PIP5K1B: variants seen among roughly 807,000 people sequenced by gnomAD.
The protein encoded by PIP5K1B is phosphatidylinositol-4-phosphate 5-kinase type 1 beta.
A neutral mutation model predicts 67.0 loss-of-function variants in PIP5K1B; 42 were observed. The ratio of observed to expected loss-of-function variants is 0.63; its 90% CI spans 0.49 to 0.81. The LOEUF (loss-of-function observed/expected upper bound fraction) is 0.81, where lower values mean the gene tolerates loss of function less well. PIP5K1B is among the 30% of genes least tolerant of loss of function. PIP5K1B has a pLI of 0.00. For synonymous variants in PIP5K1B, 214 were observed against 231.4 expected (o/e 0.92, Z 0.68); for missense variants, 459 against 646.3 (o/e 0.71, Z 3.14).
At chr9:68,724,670 G>GT (rs374640185) in intron 1 of PIP5K1B, among the ~76,000 whole-genome samples, 104 of 150,662 alleles carry the variant, frequency 6.9e-4, no homozygotes, top group South Asian at 1.5e-3. Context: ...TTATTACTAG[G>GT]TTTTTTTTTG....
At chr9:68,959,539 A>T (rs1208197048) in intron 14 of PIP5K1B, among the ~76,000 whole-genome samples, 1 of 151,930 alleles carries the variant, frequency 6.6e-6, no homozygotes, top group Admixed American at 6.6e-5. Flanking sequence ...TTGAGTTGCT[A>T]TTTCCAGTTT....
intron 14 of PIP5K1B, among the ~76,000 whole-genome samples, chr9:68,953,735 G>A (rs958655670): frequency 6.6e-6 from 1 of 150,744 alleles, no homozygotes; most frequent in Admixed American, 6.7e-5. Context: ...GAGCCTGGGT[G>A]GTTGAGGCTG....
At chr9:68,812,981 C>T (rs540216879) in intron 2 of PIP5K1B, among the ~76,000 whole-genome samples, 58 of 152,270 alleles carry the variant, frequency 3.8e-4, no homozygotes, top group African/African-American at 1.3e-3. Flanking sequence ...ATGCTTCTAG[C>T]GCAGGGAGCA....
intron 1 of PIP5K1B, among the ~76,000 whole-genome samples, chr9:68,741,908 T>G (rs1222135022): frequency 6.6e-6 from 1 of 152,166 alleles, no homozygotes; most frequent in African/African-American, 2.4e-5. Flanking sequence ...AGAACCAGGG[T>G]AGGTTATCAT....
chr9:68,719,669 GGTTAA>G (rs1827793567), intron 1 of PIP5K1B, among the ~76,000 whole-genome samples: 1 of 152,082 alleles, frequency 6.6e-6, no homozygotes, highest in Non-Finnish European at 1.5e-5. Flanking sequence ...TCCTGCTAAG[GGTTAA>G]GAGAGAAACA....
chr9:68,987,882 A>T (rs1416954400), intron 14 of PIP5K1B, among the ~76,000 whole-genome samples: 1 of 152,336 alleles, frequency 6.6e-6, no homozygotes, highest in Admixed American at 6.5e-5. Flanking sequence ...ATTATCTCCC[A>T]CCAGGTCCTT....
At chr9:68,877,873 G>A (rs767173417) in intron 6 of PIP5K1B, among the ~76,000 whole-genome samples, 5 of 152,100 alleles carry the variant, frequency 3.3e-5, no homozygotes, top group Non-Finnish European at 5.9e-5. Context: ...AATGGTGAGC[G>A]CAAGGTTGAA....
chr9:68,867,185 ATT>A (rs35757034), intron 5 of PIP5K1B, among the ~76,000 whole-genome samples: 11 of 151,252 alleles, frequency 7.3e-5, no homozygotes, highest in Admixed American at 1.3e-4. Flanking sequence ...CATTTGATGC[ATT>A]TTTTTTTTCT....
chr9:68,805,669 T>TCATC (rs1832835548), intron 2 of PIP5K1B, among the ~76,000 whole-genome samples: 1 of 152,122 alleles, frequency 6.6e-6, no homozygotes, highest in Non-Finnish European at 1.5e-5. Context: ...CACCGAGCTG[T>TCATC]CATCACCTGT....
chr9:68,946,432 A>G (rs1827806893), intron 14 of PIP5K1B, among the ~76,000 whole-genome samples: 1 of 151,514 alleles, frequency 6.6e-6, no homozygotes, highest in Admixed American at 6.6e-5. Context: ...AGTCTCTGTC[A>G]CCCAGGCTGG....
At chr9:68,931,131 T>C (rs1158693813) in intron 12 of PIP5K1B, among the ~76,000 whole-genome samples, 1 of 152,194 alleles carries the variant, frequency 6.6e-6, no homozygotes, top group Non-Finnish European at 1.5e-5. Flanking sequence ...AAGTGAGTCA[T>C]GCTGCCGGTG....
At chr9:68,752,383 G>A (rs1829677460) in intron 2 of PIP5K1B, among the ~76,000 whole-genome samples, 2 of 152,334 alleles carry the variant, frequency 1.3e-5, no homozygotes, top group Admixed American at 6.5e-5. Flanking sequence ...CATAGTTAGT[G>A]CAAGGGTAGG....
chr9:68,889,307 A>G (rs887406537), intron 7 of PIP5K1B, among the ~76,000 whole-genome samples, 174 bp downstream of exon 7: 2 of 152,208 alleles, frequency 1.3e-5, no homozygotes, highest in Admixed American at 6.5e-5. Context: ...AAAGTAAACT[A>G]GAACTGAATG....
intron 14 of PIP5K1B, among the ~76,000 whole-genome samples, chr9:68,970,541 A>T (rs967144964): frequency 6.6e-6 from 1 of 152,230 alleles, no homozygotes; most frequent in Non-Finnish European, 1.5e-5. Context: ...ACCAAGATGG[A>T]TGGAACTTTT....
At chr9:68,744,403 A>G (rs1829171413) in intron 2 of PIP5K1B, among the ~76,000 whole-genome samples, 1 of 152,230 alleles carries the variant, frequency 6.6e-6, no homozygotes, top group Admixed American at 6.5e-5. Flanking sequence ...TTTGGATGAA[A>G]ACATATCACG....
chr9:68,731,975 T>G (rs1022676163), intron 1 of PIP5K1B, among the ~76,000 whole-genome samples: 19 of 152,170 alleles, frequency 1.2e-4, no homozygotes, highest in Non-Finnish European at 1.3e-4. Context: ...GTGTGGGAAG[T>G]AATGGCGTTG....
At chr9:68,876,995 C>A (rs1162029056) in intron 6 of PIP5K1B, among the ~76,000 whole-genome samples, 3 of 152,124 alleles carry the variant, frequency 2.0e-5, no homozygotes, top group Non-Finnish European at 4.4e-5. Flanking sequence ...ACTGCAAAAT[C>A]TGTGGTGGTA....
At chr9:68,780,375 C>A in intron 2 of PIP5K1B, 1 of 1,613,416 alleles carries the variant, frequency 6.2e-7, no homozygotes, top group African/African-American at 1.3e-5. Context: ...CCGCCACGGC[C>A]TGCTGCTGCC....
Position 68,915,296 on chromosome 9 carries a change from C to T in PIP5K1B, c.772-2252C>T, listed in dbSNP as rs375547137. Among the ~76,000 whole-genome samples, 31 of 151,850 alleles carry T rather than the reference C, an allele frequency of 2.0e-4. No individual in the cohort carries two copies. In the South Asian group the frequency reaches 5.5e-3, roughly 27 times the overall value. On this transcript the variant is annotated intron_variant, in intron 8 of 15. Coordinates refer to ENST00000265382, the MANE Select transcript of PIP5K1B (RefSeq NM_003558.4). Reference sequence around the variant, plus strand: ...AGGGAAGTTAGCATCTGCAAATGGTCATTCATTGTGAAGAGTTGTTGAAGC... The same window carrying T: ...AGGGAAGTTAGCATCTGCAAATGGTTATTCATTGTGAAGAGTTGTTGAAGC...
Sources: gnomAD v4.1 joint callset for allele counts (sites outside exome capture counted in the v4.1 genomes callset) on GRCh38, gnomAD v4.1.1 for gene constraint, MANE v1.5 for transcripts, NCBI Gene and HGNC (gene_info 2026-07-23, HGNC 2026-07-21) for gene names.